Variants in ARG2 observed in about 807,000 individuals in gnomAD.
ARG2 encodes arginase-2, mitochondrial.
Under a neutral mutation model 39.4 loss-of-function variants are expected in ARG2, and 21 were observed. The ratio of observed to expected loss-of-function variants is 0.53; its 90% CI spans 0.38 to 0.77. ARG2 has a LOEUF of 0.77. ARG2 is among the 30% of genes least tolerant of loss of function. The pLI is 0.00. For synonymous variants in ARG2, 150 were observed against 156.7 expected (o/e 0.96, Z 0.32); for missense variants, 378 against 426.2 (o/e 0.89, Z 1.00).
At chr14:67,623,780 G>A (rs753608828) in intron 2 of ARG2, among the ~76,000 whole-genome samples, 1 of 152,072 alleles carries the variant, frequency 6.6e-6, no homozygotes, top group Non-Finnish European at 1.5e-5. Flanking sequence ...GACCTCAGGT[G>A]ATCTGCCCAT....
At chr14:67,623,918 G>A (rs2140709803) in intron 2 of ARG2, among the ~76,000 whole-genome samples, 1 of 152,198 alleles carries the variant, frequency 6.6e-6, no homozygotes, top group African/African-American at 2.4e-5. Flanking sequence ...ACAGCCTACT[G>A]CAATCTCAAC....
Position 67,650,977 on chromosome 14 carries a change from A to G in ARG2, c.*57A>G. On this transcript the variant is annotated 3_prime_UTR_variant, in exon 8 of 8. Transcript: ENST00000261783. ...GGCATTCCAGAATTATGAGGCATTG[A>G]GGGGATAGATGAATACTAAATGGTT... The G allele has an allele frequency of 6.6e-7, 1 of 1,525,340 alleles. No homozygotes were observed. The highest frequency in any genetic ancestry group is 9.0e-7 in the Non-Finnish European group (1 of 1,107,890). 94.5% of individuals were successfully genotyped at this position (1,525,340 alleles called of 1,614,324 possible). A position where few individuals can be genotyped will look rare whatever the true frequency, so the allele number is the denominator to read the frequency against.
chr14:67,625,342 G>A (rs564672241), intron 2 of ARG2, among the ~76,000 whole-genome samples: 1 of 152,034 alleles, frequency 6.6e-6, no homozygotes, highest in Non-Finnish European at 1.5e-5. Context: ...AATTAAACTT[G>A]ACTTAGCTAA....
chr14:67,637,774 G>C (rs891948172), intron 2 of ARG2, among the ~76,000 whole-genome samples: 5 of 152,186 alleles, frequency 3.3e-5, no homozygotes, highest in African/African-American at 1.2e-4. Flanking sequence ...TTCATATTTT[G>C]TTCTTAAAGG....
At chr14:67,648,350 C>G in intron 7 of ARG2, 167 bp downstream of exon 7, 1 of 656,820 alleles carries the variant, frequency 1.5e-6, no homozygotes, top group Non-Finnish European at 2.4e-6. Flanking sequence ...AGGATATAGT[C>G]CTTTAGAGTC....
At chr14:67,636,709 A>G (rs775813904) in intron 2 of ARG2, among the ~76,000 whole-genome samples, 1 of 152,270 alleles carries the variant, frequency 6.6e-6, no homozygotes, top group African/African-American at 2.4e-5. Flanking sequence ...CTGAAAGATC[A>G]GAGTAGTACT....
At chr14:67,644,868 T>C (rs1339031573) in intron 3 of ARG2, among the ~76,000 whole-genome samples, 1 of 151,968 alleles carries the variant, frequency 6.6e-6, no homozygotes, top group African/African-American at 2.4e-5. Flanking sequence ...CATGGTGGCA[T>C]GTGCCTGTAA....
chr14:67,647,414 T>G (rs1488502335), intron 6 of ARG2: 1 of 166,292 alleles, frequency 6.0e-6, no homozygotes, highest in East Asian at 1.8e-4. Context: ...CAAATGGTAA[T>G]TTTAAGAGCA....
At chr14:67,648,327 C>T (rs2037128074) in intron 7 of ARG2, 144 bp downstream of exon 7, 1 of 884,866 alleles carries the variant, frequency 1.1e-6, no homozygotes, top group African/African-American at 1.7e-5. Flanking sequence ...ATTATATGGC[C>T]ATGCTAATAA....
rs5809357 is a variant in ARG2, at chr14:67,634,594, C to CAA, written c.185-7577_185-7576dup. Among the ~76,000 whole-genome samples the CAA allele has an allele frequency of 7.5e-3, 861 of 115,268 alleles. 10 individuals are homozygous for CAA. Among genetic ancestry groups the CAA allele is most frequent in the East Asian group, 0.06 (231 of 3,848 alleles). 75.6% of individuals were successfully genotyped at this position (115,268 alleles called of 152,430 possible). A position where few individuals can be genotyped will look rare whatever the true frequency, so the allele number is the denominator to read the frequency against. On this transcript the variant is annotated intron_variant, in intron 2 of 7. Transcript: ENST00000261783. ...GGGCAACAGAACCAGACCGTGTCTC[C>CAA]AAAAAAAAAAAAAAAAGCTAGTAGG... is the stretch of plus-strand genomic sequence containing the variant.
rs553614739 is a variant in ARG2 at position 67,643,852 on chromosome 14, T to TAAAAA, written c.362+1515_362+1519dup. Among the ~76,000 whole-genome samples the TAAAAA allele has an allele frequency of 6.9e-4, 56 of 81,202 alleles. 1 individual carries two copies. The highest frequency in any genetic ancestry group is 1.3e-3 in the South Asian group (4 of 3,050). 53.3% of individuals were successfully genotyped at this position (81,202 alleles called of 152,430 possible). On this transcript the variant is annotated intron_variant, in intron 3 of 7. Coordinates refer to ENST00000261783, the MANE Select transcript of ARG2 (RefSeq NM_001172.4). ...AAGCAGGTAGATTCCTCCTTGGGAG[T>TAAAAA]AAAAAAAAAAAAAAAAAAAAAAAAA...
In ARG2 at chr14:67,651,700, G is replaced by C. The variant is rs1477629888; in HGVS notation, c.*780G>C. On this transcript the variant is annotated 3_prime_UTR_variant, in exon 8 of 8. Transcript: ENST00000261783. Reference sequence around the variant, plus strand: ...TTAAACTGAGACAATAAAAACCAAAGCATAAAAATGGATTCTGAAATGTTG... The same window carrying C: ...TTAAACTGAGACAATAAAAACCAAACCATAAAAATGGATTCTGAAATGTTG... The C allele has an allele frequency of 5.1e-6, 2 of 390,256 alleles. No individual in the cohort carries two copies. Among genetic ancestry groups the C allele is most frequent in the Non-Finnish European group, 9.0e-6 (2 of 221,388 alleles). 24.2% of individuals were successfully genotyped at this position (390,256 alleles called of 1,614,324 possible). A position where few individuals can be genotyped will look rare whatever the true frequency, so the allele number is the denominator to read the frequency against.
chr14:67,636,515 T>C (rs974812809), intron 2 of ARG2, among the ~76,000 whole-genome samples: 1 of 152,228 alleles, frequency 6.6e-6, no homozygotes, highest in Non-Finnish European at 1.5e-5. Context: ...TCTGGCTTCT[T>C]TCAGGGATTT....
At chr14:67,635,049 A>G (rs1026848843) in intron 2 of ARG2, among the ~76,000 whole-genome samples, 1 of 152,142 alleles carries the variant, frequency 6.6e-6, no homozygotes, top group African/African-American at 2.4e-5. Flanking sequence ...GTTTGAGACC[A>G]GCCTCGGTAA....
chr14:67,623,700 C>T (rs975185280), intron 2 of ARG2, among the ~76,000 whole-genome samples: 2 of 152,020 alleles, frequency 1.3e-5, no homozygotes, highest in Admixed American at 1.3e-4. Flanking sequence ...TGCCACTGCG[C>T]CTGACTAATT....
intron 2 of ARG2, among the ~76,000 whole-genome samples, chr14:67,639,264 C>T (rs1387099081): frequency 2.0e-5 from 3 of 152,164 alleles, no homozygotes; most frequent in Non-Finnish European, 4.4e-5. Flanking sequence ...CATGATTGGA[C>T]TTGGGTAGTC....
At chr14:67,637,814 G>T (rs77729675) in intron 2 of ARG2, among the ~76,000 whole-genome samples, 2,056 of 152,272 alleles carry the variant, frequency 0.014, 57 homozygotes, top group African/African-American at 0.047. Flanking sequence ...AAGTACTCAC[G>T]GTGGCATACA....
Position 67,651,616 on chromosome 14 carries a change from G to T in ARG2, c.*696G>T. 2.2e-6 allele frequency: 2 copies of T among 924,086 alleles called. No homozygotes were observed. The highest frequency in any genetic ancestry group is 3.2e-6 in the Non-Finnish European group (2 of 631,652). The allele number at this position is 924,086 out of a possible 1,614,324, so 57.2% of individuals were successfully genotyped here. ...TGATCACACAGCCACTTAGCAGGAA[G>T]TACTCATAAGGTTCTTTAGCTGTCA... On this transcript the variant is annotated 3_prime_UTR_variant, in exon 8 of 8. Coordinates refer to ENST00000261783, the MANE Select transcript of ARG2 (RefSeq NM_001172.4).
intron 6 of ARG2, 35 bp downstream of exon 6, chr14:67,647,060 C>CA (rs1185012480): frequency 4.7e-6 from 6 of 1,290,290 alleles, no homozygotes; most frequent in Non-Finnish European, 6.8e-6. Flanking sequence ...GGCAAACCCC[C>CA]AATGGGCAAC....
Sources: gnomAD v4.1 joint callset for allele counts (sites outside exome capture counted in the v4.1 genomes callset) on GRCh38, gnomAD v4.1.1 for gene constraint, MANE v1.5 for transcripts, NCBI Gene and HGNC (gene_info 2026-07-23, HGNC 2026-07-21) for gene names.